TCFL5: variants seen among roughly 807,000 people sequenced by gnomAD.
TCFL5 encodes the protein transcription factor-like 5 protein.
Under a neutral mutation model 44.3 loss-of-function variants are expected in TCFL5, and 9 were observed. The observed-to-expected ratio is 0.20, with a 90% CI of 0.12 to 0.35. TCFL5 has a LOEUF of 0.35. Ranked by LOEUF, TCFL5 falls within the 10% of genes least tolerant of loss-of-function variation. TCFL5 has a pLI of 1.00. For missense variants in TCFL5, 603 were observed against 613.4 expected, an observed-to-expected ratio of 0.98 and a Z score of 0.18; for synonymous variants, 319 against 271.6, an observed-to-expected ratio of 1.17 and a Z score of -1.72.
At chr20:62,857,673 TG>T in intron 3 of TCFL5, 35 bp from the exon 4 acceptor site, 1 of 1,601,602 alleles carries the variant, frequency 6.2e-7, no homozygotes, top group Non-Finnish European at 8.5e-7. Context: ...TTTTTAATTT[TG>T]TATTCTTATC....
chr20:62,858,206 G>A (rs181574682), intron 3 of TCFL5, among the ~76,000 whole-genome samples: 1 of 152,360 alleles, frequency 6.6e-6, no homozygotes, highest in East Asian at 1.9e-4. Flanking sequence ...AGTAGCGTCC[G>A]AGCTTTTCTG....
At chr20:62,852,403 T>TC (rs1323299404) in intron 5 of TCFL5, 2 of 984,184 alleles carry the variant, frequency 2.0e-6, no homozygotes, top group African/African-American at 3.5e-5. Flanking sequence ...GGAACTGGGG[T>TC]CCCCCCAAGG....
intron 5 of TCFL5, chr20:62,845,352 A>G: frequency 9.0e-7 from 1 of 1,111,454 alleles, no homozygotes; most frequent in Non-Finnish European, 1.1e-6. Context: ...CGAACTCCTG[A>G]CCTCAGGTAA....
intron 3 of TCFL5, among the ~76,000 whole-genome samples, chr20:62,858,330 A>G (rs1266190559): frequency 6.6e-6 from 1 of 152,260 alleles, no homozygotes; most frequent in Admixed American, 6.5e-5. Flanking sequence ...CAAAGCACCC[A>G]TTTCAGAAGG....
At chr20:62,851,647 TA>T (rs1325848945) in intron 5 of TCFL5, 1 of 985,290 alleles carries the variant, frequency 1.0e-6, no homozygotes, top group Non-Finnish European at 1.2e-6. Context: ...ATGTATAATG[TA>T]AATAAACAAC....
At chr20:62,851,818 C>A in intron 5 of TCFL5, 3 of 985,318 alleles carry the variant, frequency 3.0e-6, no homozygotes, top group Non-Finnish European at 2.4e-6. Flanking sequence ...GACACAGGAG[C>A]CCTTCTTTTG....
intron 3 of TCFL5, 117 bp from the exon 4 acceptor site, chr20:62,857,755 A>G: frequency 7.9e-7 from 1 of 1,261,756 alleles, no homozygotes; most frequent in Non-Finnish European, 1.1e-6. Context: ...AGCAGCACAG[A>G]GAACCGAAAC....
Position 62,859,401 on chromosome 20 carries a change from G to C in TCFL5, c.957C>G (p.Asn319Lys). Reference protein sequence around the residue: ...ESTKQTLGSRNKVLPEQVWIK... With the variant: ...ESTKQTLGSRKKVLPEQVWIK... Reference sequence around the variant, plus strand: ...TCCAAACTTGCTCAGGCAAAACTTTGTTTCTACTACCTAACGTCTGTTTAG... The same window carrying C: ...TCCAAACTTGCTCAGGCAAAACTTTCTTTCTACTACCTAACGTCTGTTTAG... The change falls in exon 3 of 6, where the codon AAC becomes AAG. Residue 319 changes from asparagine (N) to lysine (K), a missense_variant. This residue lies in a region of TCFL5 where 540 missense variants were observed against 478.7 expected (regional missense o/e 1.13). Coordinates refer to ENST00000335351, the MANE Select transcript of TCFL5 (RefSeq NM_006602.4). 2 of 1,610,500 alleles carry C rather than the reference G, an allele frequency of 1.2e-6. No individual in the cohort carries two copies. The highest frequency in any genetic ancestry group is 1.7e-6 in the Non-Finnish European group (2 of 1,177,408).
chr20:62,860,127 G>C lies in TCFL5; in HGVS notation c.829C>G (p.Gln277Glu), dbSNP rs748595588. 6 of 1,605,124 alleles carry C rather than the reference G, an allele frequency of 3.7e-6. No homozygotes were observed. The highest frequency in any genetic ancestry group is 5.1e-6 in the Non-Finnish European group (6 of 1,172,608). Residue 277 changes from glutamine (Q) to glutamate (E), a missense_variant and splice_region_variant, in exon 2 of 6, where the codon CAG (glutamine) becomes GAG (glutamate). This residue lies in a region of TCFL5 where 540 missense variants were observed against 478.7 expected (regional missense o/e 1.13). Coordinates refer to ENST00000335351, the MANE Select transcript of TCFL5 (RefSeq NM_006602.4). ...GCTTCACAAATCATGTTCCCTACCT[G>C]TGTCTGTGAAAGATTAGAATTTCCA... Reference protein sequence around the residue: ...TSGNSNLSQTQSSSNSCSVLE... With the variant: ...TSGNSNLSQTESSSNSCSVLE...
intron 4 of TCFL5, 37 bp from the exon 5 acceptor site, chr20:62,854,194 C>A (rs373488374): frequency 1.2e-6 from 2 of 1,606,956 alleles, no homozygotes; most frequent in Non-Finnish European, 1.7e-6. Context: ...CGAGAGAGAC[C>A]GGAGCAAAAC....
rs1314985046 is a variant in TCFL5 at position 62,842,776 on chromosome 20, T to G, written c.1381-679A>C. On this transcript the variant is annotated intron_variant, in intron 5 of 5. Coordinates refer to ENST00000335351, the MANE Select transcript of TCFL5 (RefSeq NM_006602.4). The surrounding 1 kb of genome is among the most constrained non-coding windows in gnomAD (Gnocchi z 4.3). ...GAAACTCCGTCTCAAAAAAATAAAT[T>G]TTTAAAAAGTTTCAACAATTAACAA... Among the ~76,000 whole-genome samples, 1 of 152,060 alleles carries G rather than the reference T, an allele frequency of 6.6e-6. No individual in the cohort carries two copies. Among genetic ancestry groups the G allele is most frequent in the Non-Finnish European group, 1.5e-5 (1 of 68,008 alleles).
At chr20:62,845,996 A>AG in intron 5 of TCFL5, 1 of 1,401,752 alleles carries the variant, frequency 7.1e-7, no homozygotes, top group Non-Finnish European at 9.5e-7. Flanking sequence ...GGCTTCGTGG[A>AG]GACACAGCCA....
intron 5 of TCFL5, among the ~76,000 whole-genome samples, chr20:62,849,285 G>A (rs1193679505): frequency 6.6e-6 from 1 of 152,110 alleles, no homozygotes; most frequent in Admixed American, 6.6e-5. Context: ...GAGCAAACCC[G>A]GACAGGCCTA....
chr20:62,857,984 C>T (rs1298787405), intron 3 of TCFL5, among the ~76,000 whole-genome samples: 3 of 148,170 alleles, frequency 2.0e-5, no homozygotes, highest in African/African-American at 7.5e-5. Context: ...TTCTAAAGGT[C>T]AGAATGGAAA....
At position 62,861,071 on chromosome 20, in the gene TCFL5, G is replaced by GGGC. The variant is rs1184623482; in HGVS notation, c.597_599dup (p.Pro200dup). 3.0e-6 allele frequency: 3 copies of GGGC among 995,844 alleles called. No individual in the cohort carries two copies. Among genetic ancestry groups the GGGC allele is most frequent in the Non-Finnish European group, 3.6e-6 (3 of 838,794 alleles). The allele number at this position is 995,844 out of a possible 1,614,324, so 61.7% of individuals were successfully genotyped here. On this transcript the variant is annotated inframe_insertion, in exon 1 of 6. Transcript: ENST00000335351. This position sits in a 1 kb window ranked among gnomAD's most constrained non-coding sequence, Gnocchi z 4.0. ...CGGGGGGCTCGGGGCCGCGCGGCGC[G>GGGC]GGCGGCGGCTCGGCGGGGATGCTGT...
At chr20:62,859,336 T>TC (rs34619807) in intron 3 of TCFL5, 28 bp downstream of exon 3, 1 of 1,593,198 alleles carries the variant, frequency 6.3e-7, no homozygotes, top group Non-Finnish European at 8.6e-7. Context: ...AGAAGAAAGC[T>TC]CCCACTACCT....
intron 4 of TCFL5, among the ~76,000 whole-genome samples, chr20:62,856,870 C>A (rs529002064): frequency 6.6e-6 from 1 of 152,230 alleles, no homozygotes; most frequent in African/African-American, 2.4e-5. Context: ...TTAAGAGTGC[C>A]CCCAGAACCT....
chr20:62,852,936 C>T (rs185452519), intron 5 of TCFL5: 34 of 1,287,944 alleles, frequency 2.6e-5, no homozygotes, highest in East Asian at 5.6e-5. Flanking sequence ...TCACCCAGTC[C>T]GCAGAAGTAT....
rs1481532670 is a variant in TCFL5, at chr20:62,841,952, C to G, written c.*23G>C. 1 of 1,613,078 alleles carries G rather than the reference C, an allele frequency of 6.2e-7. No individual in the cohort carries two copies. The highest frequency in any genetic ancestry group is 8.5e-7 in the Non-Finnish European group (1 of 1,179,780). On this transcript the variant is annotated 3_prime_UTR_variant, in exon 6 of 6. Transcript: ENST00000335351. ...TCACGAAGGAATGGCTGTTCACCCC[C>G]CGAGGATTCCTGTTCAGTCCGATCA... is the stretch of plus-strand genomic sequence containing the variant.
Sources: allele counts gnomAD v4.1 joint callset (sites outside exome capture counted in the v4.1 genomes callset), GRCh38; gene constraint gnomAD v4.1.1; regional missense constraint gnomAD v4.1.1; non-coding constraint Gnocchi (gnomAD v3.1); transcripts MANE v1.5; gene names NCBI Gene and HGNC (gene_info 2026-07-23, HGNC 2026-07-21).